VPS8: variants seen among roughly 807,000 people sequenced by gnomAD.
VPS8 encodes VPS8 subunit of CORVET complex, also known as vacuolar protein sorting-associated protein 8 homolog.
VPS8 carries 129 observed loss-of-function variants against 216.4 expected under a neutral mutation model. That is an observed-to-expected ratio of 0.60 (90% CI 0.52 to 0.69). The LOEUF (loss-of-function observed/expected upper bound fraction) is 0.69. VPS8 is among the 30% of genes least tolerant of loss of function. The pLI is 0.00. For missense variants in VPS8, 1,531 were observed against 1,683.5 expected, an observed-to-expected ratio of 0.91 and a Z score of 1.59; for synonymous variants, 571 against 565.4, an observed-to-expected ratio of 1.01 and a Z score of -0.14.
intron 46 of VPS8, among the ~76,000 whole-genome samples, chr3:185,025,776 A>G (rs994504966): frequency 1.3e-5 from 2 of 152,222 alleles, no homozygotes; most frequent in South Asian, 2.1e-4. Flanking sequence ...AATGTTAGCT[A>G]TGGAACACAC....
At chr3:184,910,241 C>T (rs1736254134) in intron 25 of VPS8, among the ~76,000 whole-genome samples, 1 of 149,930 alleles carries the variant, frequency 6.7e-6, no homozygotes, top group South Asian at 2.1e-4. Context: ...TCACGCCATA[C>T]TTCTGCCTTG....
intron 21 of VPS8, among the ~76,000 whole-genome samples, chr3:184,881,688 AT>A (rs1409972107): frequency 6.6e-6 from 1 of 152,046 alleles, no homozygotes. Flanking sequence ...TCTTGTGGGA[AT>A]TTTGATATAA....
rs544314068 is a variant in VPS8 at position 184,855,562 on chromosome 3, A to T, written c.1036-149A>T. 3.7e-5 allele frequency: 24 copies of T among 657,166 alleles called. No homozygotes were observed. In the South Asian group the frequency reaches 4.4e-4, roughly 12 times the overall value. The allele number at this position is 657,166 out of a possible 1,614,324, so 40.7% of individuals were successfully genotyped here. ...CATCAACCCAGAAAGTTCCCTCATG[A>T]TACCTCCCAGTTAGTTCTTGCTTTA... On this transcript the variant is annotated intron_variant, in intron 13 of 47. Coordinates refer to ENST00000625842, the MANE Select transcript of VPS8 (RefSeq NM_001009921.3).
intron 1 of VPS8, chr3:184,824,223 A>C (rs1176566851): frequency 6.1e-6 from 1 of 164,876 alleles, no homozygotes; most frequent in East Asian, 1.6e-4. Flanking sequence ...ATTTACCCTT[A>C]TGCTGTTAGG....
chr3:184,889,122 G>C (rs761330022), intron 22 of VPS8, among the ~76,000 whole-genome samples: 1 of 152,152 alleles, frequency 6.6e-6, no homozygotes, highest in Non-Finnish European at 1.5e-5. Context: ...TTGACTGTCT[G>C]AGAATGCAAT....
intron 24 of VPS8, among the ~76,000 whole-genome samples, chr3:184,900,260 A>G (rs1734235723): frequency 6.6e-6 from 1 of 152,230 alleles, no homozygotes; most frequent in Admixed American, 6.5e-5. Flanking sequence ...GATAAGGATT[A>G]TTCACATACG....
In VPS8 at chr3:184,826,145, T is replaced by C. The variant is rs761619350; in HGVS notation, c.154-18T>C. On this transcript the variant is annotated intron_variant, in intron 2 of 47. Transcript: ENST00000625842. ...GAAAGGCATCATTTTGTGAGCACTA[T>C]TTTTTTTCTTTATTTAGATTGATGA... 1.2e-4 allele frequency: 196 copies of C among 1,570,310 alleles called. 4 individuals carry two copies. In the South Asian group the frequency reaches 1.5e-3, roughly 12 times the overall value.
At chr3:184,824,905 ATTTTTTT>A in intron 2 of VPS8, 120 bp downstream of exon 2, 3 of 681,280 alleles carry the variant, frequency 4.4e-6, no homozygotes, top group Non-Finnish European at 6.8e-6. Context: ...TCTGTGTATA[ATTTTTTT>A]TTTTTTTTTT....
intron 3 of VPS8, among the ~76,000 whole-genome samples, chr3:184,829,137 G>A (rs1432406827): frequency 6.6e-6 from 1 of 152,162 alleles, no homozygotes; most frequent in Admixed American, 6.6e-5. Flanking sequence ...ACTATGAAGA[G>A]TGCTGCTGTA....
chr3:184,935,597 G>T (rs1462668160), intron 34 of VPS8, among the ~76,000 whole-genome samples: 1 of 152,152 alleles, frequency 6.6e-6, no homozygotes, highest in African/African-American at 2.4e-5. Flanking sequence ...TGGAAAGGTA[G>T]AATATTAGGT....
chr3:184,979,890 C>T (rs925276903), intron 40 of VPS8, among the ~76,000 whole-genome samples: 5 of 152,108 alleles, frequency 3.3e-5, no homozygotes, highest in Admixed American at 2.0e-4. Flanking sequence ...TGCTTTATGG[C>T]GTCAGTGGTC....
intron 8 of VPS8, 153 bp from the exon 9 acceptor site, chr3:184,848,918 G>C (rs1723709020): frequency 1.3e-6 from 1 of 777,148 alleles, no homozygotes; most frequent in Non-Finnish European, 2.0e-6. Context: ...GCATCTGCTA[G>C]TTGCTCAATA....
intron 40 of VPS8, among the ~76,000 whole-genome samples, chr3:184,971,990 C>T (rs1051291914): frequency 6.6e-6 from 1 of 151,834 alleles, no homozygotes; most frequent in Non-Finnish European, 1.5e-5. Context: ...GTAGGAGAAT[C>T]GCTTGAACCC....
intron 45 of VPS8, among the ~76,000 whole-genome samples, chr3:185,015,942 G>A (rs574660417): frequency 2.6e-4 from 40 of 152,326 alleles, no homozygotes; most frequent in African/African-American, 9.1e-4. Context: ...GGTGAATGCT[G>A]AGTTGGAAAA....
chr3:184,935,974 G>A (rs1576898455), intron 34 of VPS8, among the ~76,000 whole-genome samples: 1 of 152,248 alleles, frequency 6.6e-6, no homozygotes, highest in East Asian at 1.9e-4. Context: ...AGGTATCATG[G>A]CTGAAATCCA....
At chr3:184,814,957 C>T (rs1461065280) in intron 1 of VPS8, among the ~76,000 whole-genome samples, 1 of 152,036 alleles carries the variant, frequency 6.6e-6, no homozygotes, top group African/African-American at 2.4e-5. Context: ...AAAATATTTT[C>T]TTTATATCCT....
intron 36 of VPS8, among the ~76,000 whole-genome samples, chr3:184,953,743 C>T (rs764440890): frequency 1.3e-5 from 2 of 152,126 alleles, no homozygotes; most frequent in Non-Finnish European, 2.9e-5. Context: ...TCTTTGTTAT[C>T]AGGTTGCTCA....
chr3:184,835,772 C>T (rs1210826168), intron 5 of VPS8, among the ~76,000 whole-genome samples: 2 of 147,286 alleles, frequency 1.4e-5, no homozygotes, highest in Non-Finnish European at 3.0e-5. Context: ...TGCAGTGGCA[C>T]GACCTCAGCT....
intron 25 of VPS8, among the ~76,000 whole-genome samples, chr3:184,906,077 T>A (rs188713444): frequency 6.6e-6 from 1 of 152,272 alleles, no homozygotes; most frequent in Non-Finnish European, 1.5e-5. Flanking sequence ...GTGTTTTTTT[T>A]AAAATTAAGT....
Sources: allele counts gnomAD v4.1 joint callset (sites outside exome capture counted in the v4.1 genomes callset), GRCh38; gene constraint gnomAD v4.1.1; transcripts MANE v1.5; gene names NCBI Gene and HGNC (gene_info 2026-07-23, HGNC 2026-07-21).